SLC8A1: variants seen among roughly 807,000 people sequenced by gnomAD.
SLC8A1 encodes the protein solute carrier family 8 member A1.
A neutral mutation model predicts 68.3 loss-of-function variants in SLC8A1; 18 were observed. The observed-to-expected ratio is 0.26, with a 90% CI of 0.18 to 0.39. The LOEUF (loss-of-function observed/expected upper bound fraction) is 0.39, where lower values mean the gene tolerates loss of function less well. Among genes scored for constraint, SLC8A1 ranks in the 10% least tolerant of loss-of-function variants. SLC8A1 has a pLI of 1.00. For synonymous variants in SLC8A1, 475 were observed against 415.5 expected (o/e 1.14, Z -1.74); for missense variants, 985 against 1,156.7 (o/e 0.85, Z 2.15).
intron 1 of SLC8A1, among the ~76,000 whole-genome samples, chr2:40,447,691 T>C (rs1701709388): frequency 6.6e-6 from 1 of 150,658 alleles, no homozygotes; most frequent in South Asian, 2.1e-4. Context: ...GTCTATTAGA[T>C]AGAATTCCTT....
intron 7 of SLC8A1, among the ~76,000 whole-genome samples, chr2:40,131,210 G>GTATATCCCT (rs1307287440): frequency 6.6e-6 from 1 of 152,178 alleles, no homozygotes. Flanking sequence ...CATCTAGTAA[G>GTATATCCCT]TAGCGGAGGG....
chr2:40,216,270 C>G (rs1279301498), intron 2 of SLC8A1, among the ~76,000 whole-genome samples: 1 of 152,074 alleles, frequency 6.6e-6, no homozygotes, highest in Non-Finnish European at 1.5e-5. Context: ...GTTTTCTGTT[C>G]CTGAGTTAGT....
Position 40,448,048 on chromosome 2 carries a change from C to A in SLC8A1, c.-25+3856G>T, listed in dbSNP as rs114457470. ...AAACACCTACTGTTCAATATAGTCT[C>A]TGCAAAGAGAACTTACAAAAATCAC... is the stretch of plus-strand genomic sequence containing the variant. On this transcript the variant is annotated intron_variant, in intron 1 of 7. Coordinates refer to ENST00000406785, the Ensembl canonical transcript of SLC8A1. Among the ~76,000 whole-genome samples, 1,439 of 152,292 alleles carry A rather than the reference C, an allele frequency of 9.4e-3. 28 individuals carry two copies. Among genetic ancestry groups the A allele is most frequent in the African/African-American group, 0.033 (1,350 of 41,526 alleles).
intron 2 of SLC8A1, among the ~76,000 whole-genome samples, chr2:40,205,029 A>G (rs1351752109): frequency 6.6e-6 from 1 of 151,986 alleles, no homozygotes; most frequent in African/African-American, 2.4e-5. Flanking sequence ...TCATACGTGC[A>G]TATCAGCTGG....
chr2:40,328,193 C>A (rs980117816), intron 2 of SLC8A1, among the ~76,000 whole-genome samples: 1 of 152,068 alleles, frequency 6.6e-6, no homozygotes, highest in African/African-American at 2.4e-5. Flanking sequence ...AGAAATTAAC[C>A]ATTCCAAGGA....
rs190761079 is a variant in SLC8A1 at position 40,111,134 on chromosome 2, C to T, written c.*4119G>A. 1.3e-3 allele frequency: 193 copies of T among 152,150 alleles called. 1 individual carries two copies. The highest frequency in any genetic ancestry group is 4.4e-3 in the African/African-American group (182 of 41,516). 9.4% of individuals were successfully genotyped at this position (152,150 alleles called of 1,614,324 possible). On this transcript the variant is annotated 3_prime_UTR_variant, in exon 8 of 8. Transcript: ENST00000406785. ...TTTGAAAAGCAACAAAAAATTAGTG[C>T]TATTAGGCTATGAACTACAAAAAGC... is the stretch of plus-strand genomic sequence containing the variant.
At chr2:40,489,563 G>A (rs532683101) in intron 1 of SLC8A1, among the ~76,000 whole-genome samples, 7 of 152,134 alleles carry the variant, frequency 4.6e-5, no homozygotes, top group East Asian at 1.9e-4. Context: ...CTGGTGTAAC[G>A]GGACTGTGAC....
At chr2:40,289,747 G>C (rs1056664661) in intron 2 of SLC8A1, among the ~76,000 whole-genome samples, 1 of 152,010 alleles carries the variant, frequency 6.6e-6, no homozygotes, top group Non-Finnish European at 1.5e-5. Context: ...TGTAATCCCA[G>C]CTACTCAGGA....
intron 2 of SLC8A1, among the ~76,000 whole-genome samples, chr2:40,217,300 G>C (rs2057647253): frequency 6.6e-6 from 1 of 152,182 alleles, no homozygotes. Context: ...GATGGTTGTA[G>C]ATGTGTGGTG....
chr2:40,176,929 T>TA (rs935312724), intron 3 of SLC8A1, among the ~76,000 whole-genome samples: 1 of 152,146 alleles, frequency 6.6e-6, no homozygotes, highest in African/African-American at 2.4e-5. Flanking sequence ...CAATTCAGAA[T>TA]AAAAAATCCT....
At chr2:40,273,590 C>G (rs2066322729) in intron 2 of SLC8A1, among the ~76,000 whole-genome samples, 1 of 152,114 alleles carries the variant, frequency 6.6e-6, no homozygotes, top group South Asian at 2.1e-4. Context: ...TATAGGATGT[C>G]CAAGATTAGA....
intron 2 of SLC8A1, among the ~76,000 whole-genome samples, chr2:40,300,718 C>G (rs957532146): frequency 2.0e-5 from 3 of 152,144 alleles, no homozygotes; most frequent in African/African-American, 7.2e-5. Flanking sequence ...TGACAAGCCT[C>G]TCCAGGAGCA....
intron 6 of SLC8A1, among the ~76,000 whole-genome samples, chr2:40,151,648 G>T (rs962404144): frequency 6.6e-5 from 10 of 152,232 alleles, no homozygotes; most frequent in Non-Finnish European, 1.5e-4. Context: ...TGAGTTGACT[G>T]AATTTTGAAC....
intron 2 of SLC8A1, among the ~76,000 whole-genome samples, chr2:40,203,137 G>A (rs2054725462): frequency 6.6e-6 from 1 of 151,876 alleles, no homozygotes; most frequent in South Asian, 2.1e-4. Flanking sequence ...CTCACCAACT[G>A]GCTAATGCTA....
intron 2 of SLC8A1, among the ~76,000 whole-genome samples, chr2:40,264,177 A>G (rs28793693): frequency 0.7 from 104,122 of 148,198 alleles, 37,439 homozygotes; most frequent in South Asian, 0.87. Context: ...TTAGAATGGC[A>G]ATCATTAAAA....
At chr2:40,410,145 CTT>C (rs1302579643) in intron 2 of SLC8A1, among the ~76,000 whole-genome samples, 2 of 151,994 alleles carry the variant, frequency 1.3e-5, no homozygotes, top group Non-Finnish European at 2.9e-5. Flanking sequence ...ACACATGACT[CTT>C]TGAAGTTTTA....
intron 2 of SLC8A1, among the ~76,000 whole-genome samples, chr2:40,210,777 T>G (rs1221980062): frequency 6.6e-6 from 1 of 152,216 alleles, no homozygotes; most frequent in East Asian, 1.9e-4. Context: ...CCTACTCTTC[T>G]GAATTGCTTC....
intron 2 of SLC8A1, among the ~76,000 whole-genome samples, chr2:40,411,521 C>A (rs1692131896): frequency 2.0e-5 from 3 of 151,690 alleles, no homozygotes; most frequent in South Asian, 4.1e-4. Flanking sequence ...AAAATGTGAG[C>A]CATGATTTTT....
chr2:40,252,064 G>A (rs939853858), intron 2 of SLC8A1, among the ~76,000 whole-genome samples: 5 of 152,134 alleles, frequency 3.3e-5, no homozygotes, highest in Non-Finnish European at 5.9e-5. Flanking sequence ...ACAATAAATG[G>A]TTAATCAGTG....
Sources: gnomAD v4.1 joint callset for allele counts (sites outside exome capture counted in the v4.1 genomes callset) on GRCh38, gnomAD v4.1.1 for gene constraint, MANE v1.5 for transcripts, NCBI Gene and HGNC (gene_info 2026-07-23, HGNC 2026-07-21) for gene names.